The following ZNF2 variants were observed in gnomAD, a reference collection of about 807,000 sequenced individuals.
The protein encoded by ZNF2 is zinc finger protein 2.2.
A neutral mutation model predicts 21.9 loss-of-function variants in ZNF2; 12 were observed. That is an observed-to-expected ratio of 0.55 (90% CI 0.35 to 0.89). ZNF2 has a LOEUF of 0.89. Ranked by LOEUF, ZNF2 falls within the 40% of genes least tolerant of loss-of-function variation. The pLI is 0.01. For synonymous variants in ZNF2, 186 were observed against 196.3 expected, an observed-to-expected ratio of 0.95 and a Z score of 0.44; for missense variants, 462 against 544.2, an observed-to-expected ratio of 0.85 and a Z score of 1.50.
At position 95,181,255 on chromosome 2, in the gene ZNF2, G is replaced by C; in HGVS notation, c.427G>C (p.Gly143Arg). The change falls in exon 5 of 5, where the codon GGG (glycine) becomes CGG (arginine). Residue 143 changes from glycine to arginine, a missense_variant. Transcript: ENST00000614034. ...GGGAACAGAAAAGCAAAGCCCTTCAGGGGAGACTCGTAAGAAATCCCTCTC... is the reference window on the plus strand; with the variant it reads ...GGGAACAGAAAAGCAAAGCCCTTCACGGGAGACTCGTAAGAAATCCCTCTC... The part of the protein sequence containing the change: ...RMGTEKQSPS[G>R]ETRKKSLSRD... 1 of 1,614,216 alleles carries C rather than the reference G, an allele frequency of 6.2e-7. No homozygotes were observed. Among genetic ancestry groups the C allele is most frequent in the Admixed American group, 1.7e-5 (1 of 60,030 alleles).
chr2:95,178,983 G>T (rs903161008), intron 3 of ZNF2, among the ~76,000 whole-genome samples: 1 of 150,160 alleles, frequency 6.7e-6, no homozygotes, highest in African/African-American at 2.4e-5. Context: ...ATCCAGGTTT[G>T]GTTTTTTTTG....
In ZNF2 at chr2:95,180,264, T is replaced by C; in HGVS notation, c.266T>C (p.Val89Ala). Reference sequence around the variant, plus strand: ...GAGGAGAGAGAATGGCCAGAGAGTGTCTCTCTAGGTAACTGAGTGTGAACA... The same window carrying C: ...GAGGAGAGAGAATGGCCAGAGAGTGCCTCTCTAGGTAACTGAGTGTGAACA... ...GSEEREWPES[V>A]SLDWETKPEI... Residue 89 changes from valine (V) to alanine (A), a missense_variant, in exon 4 of 5, where the codon GTC becomes GCC. Val to Ala is a moderately conservative substitution (Grantham distance 64). Transcript: ENST00000614034. 1.3e-6 allele frequency: 2 copies of C among 1,592,752 alleles called. No individual in the cohort carries two copies. The highest frequency in any genetic ancestry group is 1.7e-6 in the Non-Finnish European group (2 of 1,160,674).
intron 2 of ZNF2, among the ~76,000 whole-genome samples, chr2:95,177,264 A>T (rs1674477959): frequency 6.6e-6 from 1 of 152,208 alleles, no homozygotes; most frequent in African/African-American, 2.4e-5. Flanking sequence ...GATATTCAGA[A>T]GCTCAGCTGT....
In ZNF2 at chr2:95,182,026, AC is replaced by A. The variant is rs1674690773; in HGVS notation, c.1199del (p.Thr400MetfsTer25). 1 of 1,614,218 alleles carries A rather than the reference AC, an allele frequency of 6.2e-7. No individual in the cohort carries two copies. Among genetic ancestry groups the A allele is most frequent in the Non-Finnish European group, 8.5e-7 (1 of 1,179,992 alleles). ...VHTGEKPFEC[T>X]VCGKVFSSKS... ...CACGGGAGAGAAGCCCTTTGAATGC[AC>A]TGTGTGTGGGAAAGTTTTCAGTTCA... On this transcript the variant is annotated frameshift_variant, in exon 5 of 5. Transcript: ENST00000614034. LOFTEE classifies it high-confidence loss of function.
chr2:95,182,348 G>T lies in ZNF2; in HGVS notation c.*242G>T. 3 of 455,106 alleles carry T rather than the reference G, an allele frequency of 6.6e-6. No individual in the cohort carries two copies. Among genetic ancestry groups the T allele is most frequent in the Non-Finnish European group, 7.7e-6 (2 of 259,980 alleles). The allele number at this position is 455,106 out of a possible 1,614,324, so 28.2% of individuals were successfully genotyped here. On this transcript the variant is annotated 3_prime_UTR_variant, in exon 5 of 5. Coordinates refer to ENST00000614034, the MANE Select transcript of ZNF2 (RefSeq NM_021088.4). ...AGGTTTGTCAGACAATAGGATAGAT[G>T]TTAGGAGGAGACACACCTCTTGTCT...
chr2:95,180,983 T>A (rs1303585974), intron 4 of ZNF2, 120 bp from the exon 5 acceptor site: 1 of 1,244,560 alleles, frequency 8.0e-7, no homozygotes, highest in Non-Finnish European at 1.1e-6. Flanking sequence ...TGTAAGACTA[T>A]CTATGGGAGC....
chr2:95,181,837 G>A lies in ZNF2; in HGVS notation c.1009G>A (p.Gly337Arg). 1 of 1,614,218 alleles carries A rather than the reference G, an allele frequency of 6.2e-7. No individual in the cohort carries two copies. Among genetic ancestry groups the A allele is most frequent in the Non-Finnish European group, 8.5e-7 (1 of 1,180,048 alleles). The change falls in exon 5 of 5, where the codon GGG becomes AGG. Residue 337 changes from glycine to arginine, a missense_variant. Transcript: ENST00000614034. ...GAATAGACATCAGAAAGCTCATGCT[G>A]GGGACCCTCGCTATCAGTGTAACGA... The part of the protein sequence containing the change: ...SLNRHQKAHA[G>R]DPRYQCNECG...
At chr2:95,180,068 A>G (rs946513335) in intron 3 of ZNF2, 91 bp from the exon 4 acceptor site, 13 of 931,486 alleles carry the variant, frequency 1.4e-5, no homozygotes, top group African/African-American at 4.9e-5. Flanking sequence ...ACAACAACAA[A>G]AAAATCTTAG....
rs1674006384 is a variant in ZNF2, at chr2:95,165,830, C to G, written c.-70C>G. 6.6e-6 allele frequency: 1 copy of G among 152,338 alleles called. No individual in the cohort carries two copies. The highest frequency in any genetic ancestry group is 2.1e-4 in the South Asian group (1 of 4,834). 9.4% of individuals were successfully genotyped at this position (152,338 alleles called of 1,614,324 possible). Reference sequence around the variant, plus strand: ...GTTTCCCGACCTGAAGAGGCGCCGTCTTCCCGGGTCCCGAGCACTCTGTGC... The same window carrying G: ...GTTTCCCGACCTGAAGAGGCGCCGTGTTCCCGGGTCCCGAGCACTCTGTGC... On this transcript the variant is annotated 5_prime_UTR_variant, in exon 1 of 5. Transcript: ENST00000614034.
In ZNF2 at chr2:95,181,587, A is replaced by T; in HGVS notation, c.759A>T (p.Gly253=). Residue 253 remains glycine, a synonymous_variant, in exon 5 of 5, where the codon GGA becomes GGT. Coordinates refer to ENST00000614034, the MANE Select transcript of ZNF2 (RefSeq NM_021088.4). The part of the protein sequence containing the change: ...SLTVHQRIHT[G]EKPFQCNECG... ...CTGTCCATCAGCGAATTCACACTGG[A>T]GAGAAACCCTTTCAGTGCAACGAGT... 6.2e-7 allele frequency: 1 copy of T among 1,614,178 alleles called. No homozygotes were observed. The highest frequency in any genetic ancestry group is 8.5e-7 in the Non-Finnish European group (1 of 1,180,026).
chr2:95,166,529 A>C (rs2104490279), intron 1 of ZNF2, among the ~76,000 whole-genome samples: 1 of 152,244 alleles, frequency 6.6e-6, no homozygotes, highest in Middle Eastern at 3.4e-3. Context: ...GAATGAAACT[A>C]TTTGGAGACA....
At position 95,165,815 on chromosome 2, in the gene ZNF2, C is replaced by G. The variant is rs1419279799; in HGVS notation, c.-85C>G. On this transcript the variant is annotated 5_prime_UTR_variant, in exon 1 of 5. Coordinates refer to ENST00000614034, the MANE Select transcript of ZNF2 (RefSeq NM_021088.4). Reference sequence around the variant, plus strand: ...TGCGCAGGCGCGTTGGTTTCCCGACCTGAAGAGGCGCCGTCTTCCCGGGTC... The same window carrying G: ...TGCGCAGGCGCGTTGGTTTCCCGACGTGAAGAGGCGCCGTCTTCCCGGGTC... The G allele has an allele frequency of 6.6e-6, 1 of 152,364 alleles. No homozygotes were observed. The highest frequency in any genetic ancestry group is 2.4e-5 in the African/African-American group (1 of 41,478). The allele number at this position is 152,364 out of a possible 1,614,324, so 9.4% of individuals were successfully genotyped here.
chr2:95,171,382 C>CT (rs753994075), intron 1 of ZNF2, among the ~76,000 whole-genome samples: 165 of 141,232 alleles, frequency 1.2e-3, no homozygotes, highest in Admixed American at 3.9e-3. Context: ...TCTTCTTCTT[C>CT]TTTTTTTTTT....
In ZNF2 at chr2:95,183,204, G is replaced by T. The variant is rs566571334; in HGVS notation, c.*1098G>T. 1 of 152,304 alleles carries T rather than the reference G, an allele frequency of 6.6e-6. No homozygotes were observed. The highest frequency in any genetic ancestry group is 1.5e-5 in the Non-Finnish European group (1 of 68,040). 9.4% of individuals were successfully genotyped at this position (152,304 alleles called of 1,614,324 possible). A position where few individuals can be genotyped will look rare whatever the true frequency, so the allele number is the denominator to read the frequency against. On this transcript the variant is annotated 3_prime_UTR_variant, in exon 5 of 5. Transcript: ENST00000614034. Reference sequence around the variant, plus strand: ...CTTAAAACCTGACGGGAACCATTCTGTCTTATTCTATCCTCATTATTTGGA... The same window carrying T: ...CTTAAAACCTGACGGGAACCATTCTTTCTTATTCTATCCTCATTATTTGGA...
Position 95,176,279 on chromosome 2 carries a change from TC to T in ZNF2, c.33+23del, listed in dbSNP as rs1277490071. 2.5e-6 allele frequency: 4 copies of T among 1,614,040 alleles called. No individual in the cohort carries two copies. In the African/African-American group the frequency reaches 5.3e-5, roughly 22 times the overall value. On this transcript the variant is annotated intron_variant, in intron 2 of 4. Transcript: ENST00000614034. ...TGCCAGGTGAGGTGGACTTTTGTGT[TC>T]CCGAAATACTCCATTCATCTCCAGA... is the stretch of plus-strand genomic sequence containing the variant.
chr2:95,170,293 C>T (rs1372235858), intron 1 of ZNF2, among the ~76,000 whole-genome samples: 1 of 152,194 alleles, frequency 6.6e-6, no homozygotes, highest in Non-Finnish European at 1.5e-5. Flanking sequence ...CCTAATCTCT[C>T]CCCGTTAGGT....
At chr2:95,173,881 T>G (rs1193191635) in intron 1 of ZNF2, among the ~76,000 whole-genome samples, 1 of 152,210 alleles carries the variant, frequency 6.6e-6, no homozygotes. Flanking sequence ...GCTAATTTTT[T>G]TGTATTGTTA....
chr2:95,183,438 A>G lies in ZNF2; in HGVS notation c.*1332A>G, dbSNP rs540969538. On this transcript the variant is annotated 3_prime_UTR_variant, in exon 5 of 5. Transcript: ENST00000614034. Reference sequence around the variant, plus strand: ...AGTTATATTTTGCATACTACTGTTAAGCCAGTCTTTGCAAATGACCCCTTC... The same window carrying G: ...AGTTATATTTTGCATACTACTGTTAGGCCAGTCTTTGCAAATGACCCCTTC... 1.3e-5 allele frequency: 2 copies of G among 152,298 alleles called. No homozygotes were observed. Among genetic ancestry groups the G allele is most frequent in the South Asian group, 2.1e-4 (1 of 4,826 alleles). The allele number at this position is 152,298 out of a possible 1,614,324, so 9.4% of individuals were successfully genotyped here.
chr2:95,182,235 G>C lies in ZNF2; in HGVS notation c.*129G>C. The C allele has an allele frequency of 4.9e-6, 6 of 1,219,422 alleles. No homozygotes were observed. The South Asian group carries it at 7.7e-5, about 16-fold the overall frequency. 75.5% of individuals were successfully genotyped at this position (1,219,422 alleles called of 1,614,324 possible). A position where few individuals can be genotyped will look rare whatever the true frequency, so the allele number is the denominator to read the frequency against. ...GTTGTCCTGTCCTGCTTCTGCGCCA[G>C]AGTGTTTAATAAGCACTCCCTTCCT... On this transcript the variant is annotated 3_prime_UTR_variant, in exon 5 of 5. Transcript: ENST00000614034.
Sources: allele counts gnomAD v4.1 joint callset (sites outside exome capture counted in the v4.1 genomes callset), GRCh38; gene constraint gnomAD v4.1.1; transcripts MANE v1.5; gene names NCBI Gene and HGNC (gene_info 2026-07-23, HGNC 2026-07-21).